The following RIN3 variants were observed in gnomAD, a reference collection of about 807,000 sequenced individuals.
RIN3 encodes RAB5 interacting protein 3.
In RIN3, 54 loss-of-function variants were observed where a neutral mutation model predicts 76.3. That is an observed-to-expected ratio of 0.71 (90% CI 0.57 to 0.89). The LOEUF is 0.89. Among genes scored for constraint, RIN3 ranks in the 40% least tolerant of loss-of-function variants. RIN3 has a pLI of 0.00. For missense variants in RIN3, 1,256 were observed against 1,322.1 expected, an observed-to-expected ratio of 0.95 and a Z score of 0.78; for synonymous variants, 576 against 564.0, an observed-to-expected ratio of 1.02 and a Z score of -0.30.
At chr14:92,571,142 T>C (rs1284543334) in intron 2 of RIN3, among the ~76,000 whole-genome samples, 1 of 152,244 alleles carries the variant, frequency 6.6e-6, no homozygotes, top group East Asian at 1.9e-4. Context: ...GCTGTTTCTG[T>C]ACCTCACTTC....
At chr14:92,628,705 A>C (rs913159678) in intron 4 of RIN3, among the ~76,000 whole-genome samples, 1 of 152,220 alleles carries the variant, frequency 6.6e-6, no homozygotes, top group African/African-American at 2.4e-5. Context: ...AGAATTTAGC[A>C]TAAGAAAAGA....
At chr14:92,522,028 G>A (rs1197786542) in intron 1 of RIN3, among the ~76,000 whole-genome samples, 3 of 152,166 alleles carry the variant, frequency 2.0e-5, no homozygotes, top group Non-Finnish European at 2.9e-5. Context: ...CTAAGAATCT[G>A]GGGTGGGGGC....
At chr14:92,683,274 G>A (rs539092348) in intron 8 of RIN3, among the ~76,000 whole-genome samples, 4 of 152,170 alleles carry the variant, frequency 2.6e-5, no homozygotes, top group Non-Finnish European at 5.9e-5. Context: ...GGTGGGCGGC[G>A]CTGGGGACCC....
intron 1 of RIN3, among the ~76,000 whole-genome samples, chr14:92,538,361 G>T (rs1006529312): frequency 1.3e-5 from 2 of 152,206 alleles, no homozygotes; most frequent in African/African-American, 2.4e-5. Context: ...AAAAATGGTT[G>T]GATGTTGCCA....
rs994414318 is a variant in RIN3, at chr14:92,652,757, A to C, written c.1708A>C (p.Lys570Gln). 10 of 1,613,796 alleles carry C rather than the reference A, an allele frequency of 6.2e-6. No individual in the cohort carries two copies. The highest frequency in any genetic ancestry group is 7.6e-6 in the Non-Finnish European group (9 of 1,180,034). Residue 570 changes from lysine (K) to glutamine (Q), a missense_variant, in exon 6 of 10, where the codon AAG becomes CAG. Around this residue, in one of 3 missense-constraint regions of RIN3, gnomAD observed 428 missense variants for 521.2 expected, o/e 0.82. Transcript: ENST00000216487. This position sits in a 1 kb window ranked among gnomAD's most constrained non-coding sequence, Gnocchi z 6.4. The part of the protein sequence containing the change: ...EQFSSPSVKK[K>Q]PSMILGKARH... Reference sequence around the variant, plus strand: ...GTTCAGCAGCCCCAGCGTGAAGAAGAAGCCCTCCATGATCCTGGGCAAGGC... The same window carrying C: ...GTTCAGCAGCCCCAGCGTGAAGAAGCAGCCCTCCATGATCCTGGGCAAGGC...
intron 4 of RIN3, among the ~76,000 whole-genome samples, chr14:92,630,263 G>A (rs1417721878): frequency 3.3e-5 from 5 of 152,182 alleles, no homozygotes; most frequent in Admixed American, 3.3e-4. Flanking sequence ...GGCCGAGGCG[G>A]GTGGATCACT....
At chr14:92,518,827 C>A in intron 1 of RIN3, among the ~76,000 whole-genome samples, 1 of 38,036 alleles carries the variant, frequency 2.6e-5, no homozygotes, top group Non-Finnish European at 5.1e-5. Context: ...GTGTGTGTGT[C>A]AGCATCAGTG....
At chr14:92,519,974 A>G (rs1896551105) in intron 1 of RIN3, among the ~76,000 whole-genome samples, 1 of 152,218 alleles carries the variant, frequency 6.6e-6, no homozygotes, top group South Asian at 2.1e-4. Flanking sequence ...GCCTCTGTGC[A>G]GCCTTGGCAT....
At chr14:92,627,263 C>A (rs1354467033) in intron 4 of RIN3, among the ~76,000 whole-genome samples, 1 of 152,198 alleles carries the variant, frequency 6.6e-6, no homozygotes, top group Non-Finnish European at 1.5e-5. Flanking sequence ...GAGGCTCAAC[C>A]CCCATTAATG....
At chr14:92,589,746 A>G (rs1425389673) in intron 3 of RIN3, among the ~76,000 whole-genome samples, 1 of 152,198 alleles carries the variant, frequency 6.6e-6, no homozygotes, top group African/African-American at 2.4e-5. Flanking sequence ...TCTCTCCTCC[A>G]TTCCTGATTG....
intron 7 of RIN3, among the ~76,000 whole-genome samples, chr14:92,674,447 AC>A (rs1194319020): frequency 6.6e-6 from 1 of 152,164 alleles, no homozygotes; most frequent in African/African-American, 2.4e-5. Context: ...ATATACACAT[AC>A]AAAAATTAGC....
At chr14:92,561,855 T>G (rs1455612294) in intron 2 of RIN3, among the ~76,000 whole-genome samples, 2 of 152,094 alleles carry the variant, frequency 1.3e-5, no homozygotes, top group Non-Finnish European at 2.9e-5. Flanking sequence ...GCTAATTAAT[T>G]TTTTACTTTT....
rs559154360 is a variant in RIN3 at position 92,677,325 on chromosome 14, A to G, written c.2467+719A>G. On this transcript the variant is annotated intron_variant, in intron 8 of 9. Coordinates refer to ENST00000216487, the MANE Select transcript of RIN3 (RefSeq NM_024832.5). ...ACCAAGAATTTCCTGAGGGGCAGCC[A>G]GTCCAGATATCAGCTCTGAGGGAGC... Among the ~76,000 whole-genome samples the G allele has an allele frequency of 2.0e-5, 3 of 152,172 alleles. No homozygotes were observed. In the South Asian group the frequency reaches 6.2e-4, roughly 32 times the overall value.
intron 7 of RIN3, among the ~76,000 whole-genome samples, chr14:92,675,460 G>A (rs991216717): frequency 6.6e-6 from 1 of 152,216 alleles, no homozygotes; most frequent in African/African-American, 2.4e-5. Context: ...AAAGGTAGCA[G>A]CACTGGCATG....
chr14:92,620,629 T>C (rs74072993), intron 4 of RIN3, among the ~76,000 whole-genome samples: 5,894 of 152,172 alleles, frequency 0.039, 397 homozygotes, highest in African/African-American at 0.14. Flanking sequence ...TTTATACATA[T>C]GGATACACAA....
intron 4 of RIN3, among the ~76,000 whole-genome samples, chr14:92,636,638 G>A (rs1008889936): frequency 7.2e-5 from 11 of 152,228 alleles, no homozygotes; most frequent in African/African-American, 2.7e-4. Flanking sequence ...CTGCAGCACA[G>A]AAAAGGAAGC....
At chr14:92,572,227 G>A (rs989789972) in intron 2 of RIN3, among the ~76,000 whole-genome samples, 1 of 152,186 alleles carries the variant, frequency 6.6e-6, no homozygotes, top group Non-Finnish European at 1.5e-5. Flanking sequence ...CATGCGCAGT[G>A]GTCCGCCAGC....
At chr14:92,556,454 T>A (rs1180073423) in intron 2 of RIN3, among the ~76,000 whole-genome samples, 1 of 152,182 alleles carries the variant, frequency 6.6e-6, no homozygotes, top group Non-Finnish European at 1.5e-5. Context: ...GGCTTAAATT[T>A]TCTAAGCCTC....
intron 1 of RIN3, 112 bp from the exon 2 acceptor site, chr14:92,555,639 C>A: frequency 1.0e-6 from 1 of 978,822 alleles, no homozygotes; most frequent in Admixed American, 2.0e-5. Context: ...CCCAAAGGGC[C>A]ACTGACTACC....
Sources: gnomAD v4.1 joint callset for allele counts (sites outside exome capture counted in the v4.1 genomes callset) on GRCh38, gnomAD v4.1.1 for gene constraint, gnomAD v4.1.1 regional missense constraint, Gnocchi (gnomAD v3.1) non-coding constraint, MANE v1.5 for transcripts, NCBI Gene and HGNC (gene_info 2026-07-23, HGNC 2026-07-21) for gene names.